The following RNF157 variants were observed in gnomAD, a reference collection of about 807,000 sequenced individuals.
The protein encoded by RNF157 is E3 ubiquitin ligase RNF157.
A neutral mutation model predicts 88.3 loss-of-function variants in RNF157; 55 were observed. The ratio of observed to expected loss-of-function variants is 0.62; its 90% CI spans 0.50 to 0.78. The LOEUF (loss-of-function observed/expected upper bound fraction) is 0.78, where lower values mean the gene tolerates loss of function less well. Ranked by LOEUF, RNF157 falls within the 30% of genes least tolerant of loss-of-function variation. RNF157 has a pLI of 0.00. For synonymous variants in RNF157, 334 were observed against 341.2 expected (o/e 0.98, Z 0.23); for missense variants, 788 against 860.8 (o/e 0.92, Z 1.06).
chr17:76,211,673 T>C (rs538080950), intron 2 of RNF157, among the ~76,000 whole-genome samples: 8 of 152,158 alleles, frequency 5.3e-5, no homozygotes, highest in African/African-American at 1.9e-4. Context: ...TAAAATAGAG[T>C]GATAAGTCCT....
chr17:76,162,241 C>T (rs1303514680), intron 9 of RNF157: 1 of 580,762 alleles, frequency 1.7e-6, no homozygotes, highest in African/African-American at 1.9e-5. Context: ...CTATAAGGCC[C>T]AGAGCTGGGC....
chr17:76,154,365 G>A (rs749205691), intron 16 of RNF157, 37 bp from the exon 17 acceptor site: 21 of 1,406,934 alleles, frequency 1.5e-5, no homozygotes, highest in South Asian at 6.9e-5. Context: ...TCTATGAAGC[G>A]GCAAAATGAG....
chr17:76,171,083 G>A (rs563560216), intron 3 of RNF157, among the ~76,000 whole-genome samples: 3 of 152,114 alleles, frequency 2.0e-5, no homozygotes, highest in East Asian at 1.9e-4. Flanking sequence ...TAGTGGAGAC[G>A]GGGTTTCACT....
intron 2 of RNF157, among the ~76,000 whole-genome samples, chr17:76,205,920 G>C (rs1209166971): frequency 6.6e-6 from 1 of 152,106 alleles, no homozygotes. Context: ...GGAGCGGTTT[G>C]AACTCCTGCC....
intron 1 of RNF157, among the ~76,000 whole-genome samples, chr17:76,214,372 G>A (rs988663820): frequency 2.6e-5 from 4 of 152,004 alleles, no homozygotes; most frequent in African/African-American, 4.8e-5. Flanking sequence ...TCCTATATCC[G>A]CAGACGCACA....
At chr17:76,208,142 T>C (rs763380216) in intron 2 of RNF157, among the ~76,000 whole-genome samples, 1 of 152,152 alleles carries the variant, frequency 6.6e-6, no homozygotes, top group Non-Finnish European at 1.5e-5. Context: ...AGGCTGGTTT[T>C]CAATTTCTAG....
chr17:76,182,451 C>CTGTG (rs5822121), intron 2 of RNF157, among the ~76,000 whole-genome samples: 15,304 of 143,982 alleles, frequency 0.11, 876 homozygotes, highest in African/African-American at 0.14. Flanking sequence ...CGCATTTAGT[C>CTGTG]TGTGTGTGTG....
intron 1 of RNF157, among the ~76,000 whole-genome samples, chr17:76,220,546 C>T (rs542925582): frequency 4.1e-4 from 63 of 152,124 alleles, no homozygotes; most frequent in South Asian, 3.9e-3. Flanking sequence ...GAGGGGAGGC[C>T]GGGTACCATG....
At chr17:76,181,579 G>T (rs1237501776) in intron 2 of RNF157, among the ~76,000 whole-genome samples, 1 of 152,114 alleles carries the variant, frequency 6.6e-6, no homozygotes, top group Non-Finnish European at 1.5e-5. Flanking sequence ...GTTACTGCCA[G>T]ATAGTTCTAA....
chr17:76,178,842 A>C (rs2069145694), intron 2 of RNF157, among the ~76,000 whole-genome samples: 1 of 151,938 alleles, frequency 6.6e-6, no homozygotes, highest in Admixed American at 6.6e-5. Context: ...TTTTCCAGTA[A>C]CTAACATGTC....
intron 2 of RNF157, among the ~76,000 whole-genome samples, chr17:76,174,346 G>A (rs2069070044): frequency 6.6e-6 from 1 of 152,164 alleles, no homozygotes; most frequent in Non-Finnish European, 1.5e-5. Context: ...TGTGAGCCAA[G>A]AGTTATTTTG....
At chr17:76,186,449 G>A (rs1054789656) in intron 2 of RNF157, among the ~76,000 whole-genome samples, 2 of 151,816 alleles carry the variant, frequency 1.3e-5, no homozygotes, top group African/African-American at 4.8e-5. Flanking sequence ...AGAGGTTGCA[G>A]TGAGCCGAGA....
chr17:76,215,336 A>G (rs1452377981), intron 1 of RNF157, among the ~76,000 whole-genome samples: 2 of 152,020 alleles, frequency 1.3e-5, no homozygotes, highest in African/African-American at 2.4e-5. Flanking sequence ...TTAGTTGGGC[A>G]TGGTAGCATG....
chr17:76,239,967 G>T (rs1234024171), intron 1 of RNF157, among the ~76,000 whole-genome samples, 186 bp downstream of exon 1: 1 of 152,188 alleles, frequency 6.6e-6, no homozygotes, highest in East Asian at 1.9e-4. Context: ...CGCCCCTTGG[G>T]CTAATTCGCC....
Position 76,146,373 on chromosome 17 carries a change from G to C in RNF157, c.1922-1020C>G. 6 of 985,544 alleles carry C rather than the reference G, an allele frequency of 6.1e-6. No homozygotes were observed. The highest frequency in any genetic ancestry group is 7.2e-6 in the Non-Finnish European group (6 of 830,046). 61.0% of individuals were successfully genotyped at this position (985,544 alleles called of 1,614,324 possible). A position where few individuals can be genotyped will look rare whatever the true frequency, so the allele number is the denominator to read the frequency against. ...GACTCCTAGAATAGCCTGTGCTCAG[G>C]CTCCTCCAGGCCATCTCGCCTCTCC... On this transcript the variant is annotated intron_variant, in intron 18 of 18. Coordinates refer to ENST00000269391, the MANE Select transcript of RNF157 (RefSeq NM_052916.3). The surrounding 1 kb of genome is among the most constrained non-coding windows in gnomAD (Gnocchi z 4.2).
chr17:76,197,753 A>AGG (rs763419126), intron 2 of RNF157, among the ~76,000 whole-genome samples: 1 of 152,124 alleles, frequency 6.6e-6, no homozygotes, highest in Non-Finnish European at 1.5e-5. Flanking sequence ...TTTAAAGACA[A>AGG]TCATTTCCTG....
intron 2 of RNF157, among the ~76,000 whole-genome samples, chr17:76,194,342 C>T (rs1180492878): frequency 6.6e-6 from 1 of 152,240 alleles, no homozygotes; most frequent in Non-Finnish European, 1.5e-5. Flanking sequence ...AGCCAAAGGC[C>T]TCATTCAGTT....
rs372895169 is a variant in RNF157, at chr17:76,225,819, C to T, written c.89-13337G>A. 3.6e-5 allele frequency: 57 copies of T among 1,601,420 alleles called. No homozygotes were observed. In the African/African-American group the frequency reaches 6.5e-4, roughly 18 times the overall value. The stretch of plus-strand genomic sequence containing the variant: ...ATCAAATCTTTCAGGTACTGGATCT[C>T]CTTGGCCAGGGAATCTGCCCTCTCT... On this transcript the variant is annotated intron_variant, in intron 1 of 18. Transcript: ENST00000269391.
chr17:76,161,673 G>C lies in RNF157; in HGVS notation c.953-26C>G. On this transcript the variant is annotated intron_variant, in intron 10 of 18. Transcript: ENST00000269391. The surrounding 1 kb of genome is among the most constrained non-coding windows in gnomAD (Gnocchi z 4.6). ...CTGTGAAGGAGAAAACAGGCAATCA[G>C]GACATCCTGATACAGGATTAAGAAT... is the stretch of plus-strand genomic sequence containing the variant. 6.3e-7 allele frequency: 1 copy of C among 1,592,904 alleles called. No homozygotes were observed. Among genetic ancestry groups the C allele is most frequent in the Non-Finnish European group, 8.6e-7 (1 of 1,161,974 alleles).
Sources: gnomAD v4.1 joint callset for allele counts (sites outside exome capture counted in the v4.1 genomes callset) on GRCh38, gnomAD v4.1.1 for gene constraint, Gnocchi (gnomAD v3.1) non-coding constraint, MANE v1.5 for transcripts, NCBI Gene and HGNC (gene_info 2026-07-23, HGNC 2026-07-21) for gene names.